Variants in TLL2 observed in about 807,000 individuals in gnomAD.
TLL2 encodes the protein tolloid-like protein 2.
TLL2 carries 106 observed loss-of-function variants against 123.0 expected under a neutral mutation model. The observed-to-expected ratio is 0.86, with a 90% confidence interval of 0.74 to 1.01. The LOEUF (loss-of-function observed/expected upper bound fraction) is 1.01, where lower values mean the gene tolerates loss of function less well. Among genes scored for constraint, TLL2 ranks in the 50% least tolerant of loss-of-function variants. The probability of loss-of-function intolerance (pLI) is 0.00; values close to 1 mark genes in which losing one functional copy is unlikely to be tolerated. For synonymous variants in TLL2, 494 were observed against 516.8 expected (o/e 0.96, Z 0.60); for missense variants, 1,332 against 1,336.7 (o/e 1.00, Z 0.06).
intron 18 of TLL2, chr10:96,375,455 CT>C (rs1360334838): frequency 1.3e-5 from 2 of 152,184 alleles, no homozygotes; most frequent in African/African-American, 4.8e-5. Flanking sequence ...CAGAAGGCGC[CT>C]CCCCCGAGGT....
intron 1 of TLL2, among the ~76,000 whole-genome samples, chr10:96,485,223 G>A (rs1847346047): frequency 6.6e-6 from 1 of 152,090 alleles, no homozygotes; most frequent in African/African-American, 2.4e-5. Flanking sequence ...TCTTGATTTG[G>A]CAATGGCGTA....
intron 13 of TLL2, among the ~76,000 whole-genome samples, chr10:96,391,919 T>C (rs1846293685): frequency 6.6e-6 from 1 of 152,222 alleles, no homozygotes; most frequent in Non-Finnish European, 1.5e-5. Context: ...GAAAAGATGT[T>C]TGCAAATTGA....
At chr10:96,389,120 A>AAGAGT (rs1259914556) in intron 13 of TLL2, among the ~76,000 whole-genome samples, 1 of 152,238 alleles carries the variant, frequency 6.6e-6, no homozygotes, top group Non-Finnish European at 1.5e-5. Context: ...AAGTAGCGGA[A>AAGAGT]AGAGTCCAGG....
intron 3 of TLL2, among the ~76,000 whole-genome samples, chr10:96,438,501 T>C (rs1194474010): frequency 6.6e-6 from 1 of 152,244 alleles, no homozygotes; most frequent in Admixed American, 6.5e-5. Flanking sequence ...TTCTGAAATT[T>C]TGTTGAACTC....
chr10:96,497,367 A>G (rs1323558361), intron 1 of TLL2, among the ~76,000 whole-genome samples: 1 of 152,214 alleles, frequency 6.6e-6, no homozygotes, highest in East Asian at 1.9e-4. Flanking sequence ...AGCTGGGGCA[A>G]GGCCTGAACT....
At chr10:96,481,290 G>C (rs1242039141) in intron 1 of TLL2, among the ~76,000 whole-genome samples, 1 of 152,096 alleles carries the variant, frequency 6.6e-6, no homozygotes, top group Non-Finnish European at 1.5e-5. Flanking sequence ...AGGACTCCAG[G>C]CATGTGACAC....
chr10:96,376,607 C>T, intron 18 of TLL2, 85 bp downstream of exon 18: 2 of 1,466,958 alleles, frequency 1.4e-6, no homozygotes, highest in Non-Finnish European at 9.3e-7. Flanking sequence ...AGTTACAGAG[C>T]TGGGAAGTGG....
At chr10:96,421,768 C>T (rs750804349) in intron 6 of TLL2, among the ~76,000 whole-genome samples, 68 of 151,970 alleles carry the variant, frequency 4.5e-4, no homozygotes, top group Admixed American at 9.2e-4. Flanking sequence ...ACCCAGGAGG[C>T]GGAGGTTGCA....
intron 13 of TLL2, among the ~76,000 whole-genome samples, chr10:96,387,870 C>T (rs1179825049): frequency 2.6e-5 from 4 of 152,138 alleles, no homozygotes; most frequent in South Asian, 4.1e-4. Flanking sequence ...AAAACCAAAA[C>T]ACATGTTAGA....
chr10:96,380,854 G>A (rs570757088), intron 16 of TLL2, among the ~76,000 whole-genome samples: 1 of 151,672 alleles, frequency 6.6e-6, no homozygotes, highest in Admixed American at 6.6e-5. Flanking sequence ...GCAAGCACCT[G>A]TAATCCCAGC....
rs779253312 is a variant in TLL2, at chr10:96,446,112, C to T, written c.343G>A (p.Gly115Ser). 4 of 1,614,154 alleles carry T rather than the reference C, an allele frequency of 2.5e-6. No homozygotes were observed. The highest frequency in any genetic ancestry group is 2.2e-5 in the South Asian group (2 of 91,072). The change falls in exon 3 of 21, where the codon GGC becomes AGC. Residue 115 changes from glycine to serine, a missense_variant. Physicochemically the swap from Gly to Ser is moderately conservative, Grantham distance 56. Coordinates refer to ENST00000357947, the MANE Select transcript of TLL2 (RefSeq NM_012465.4). Reference protein sequence around the residue: ...SSPDTTAMDTGTKEAGKDGRE... With the variant: ...SSPDTTAMDTSTKEAGKDGRE... ...TTACCCTTTCCAGCTTCCTTGGTGC[C>T]AGTGTCCATGGCTGTGGTGTCTGGG...
At chr10:96,476,248 T>TTTTTTTTTTTTTTTTTTGTTGTTG (rs1285354320) in intron 2 of TLL2, among the ~76,000 whole-genome samples, 1 of 69,230 alleles carries the variant, frequency 1.4e-5, no homozygotes, top group African/African-American at 6.2e-5. Context: ...ATATTTTATT[T>TTTTTTTTTTTTTTTTTTGTTGTTG]TTGTTGTTGT....
chr10:96,371,392 A>G (rs369720554), intron 19 of TLL2, among the ~76,000 whole-genome samples: 6 of 152,316 alleles, frequency 3.9e-5, no homozygotes, highest in African/African-American at 1.4e-4. Context: ...AAGCACCAGA[A>G]ATTCTGGAAG....
intron 10 of TLL2, among the ~76,000 whole-genome samples, chr10:96,402,673 C>T (rs181076833): frequency 6.6e-6 from 1 of 152,282 alleles, no homozygotes; most frequent in East Asian, 1.9e-4. Flanking sequence ...CCGTACTTGG[C>T]CTGGGGATCA....
At chr10:96,411,815 A>T (rs1248017018) in intron 8 of TLL2, among the ~76,000 whole-genome samples, 3 of 152,150 alleles carry the variant, frequency 2.0e-5, no homozygotes, top group African/African-American at 4.8e-5. Flanking sequence ...GCAGGAAGGG[A>T]TATGTGGAGA....
rs59097342 is a variant in TLL2, at chr10:96,503,620, T to G, written c.175+9891A>C. Among the ~76,000 whole-genome samples, 44 of 152,272 alleles carry G rather than the reference T, an allele frequency of 2.9e-4. No homozygotes were observed. In the East Asian group the frequency reaches 8.3e-3, roughly 29 times the overall value. ...CTCCCTGTGGAGGTGAGGAGAGTGG[T>G]TGGACCCATCACCCTCAACTGACCT... On this transcript the variant is annotated intron_variant, in intron 1 of 20. Transcript: ENST00000357947.
intron 11 of TLL2, 141 bp from the exon 12 acceptor site, chr10:96,396,161 A>G: frequency 1.0e-6 from 1 of 966,038 alleles, no homozygotes; most frequent in Admixed American, 2.6e-5. Flanking sequence ...CCAGCCCACA[A>G]ACACCGCGCC....
chr10:96,476,240 A>ATATATATATATATATATATAT lies in TLL2; in HGVS notation c.286+4108_286+4109insATATATATATATATATATATA. 2.9e-4 allele frequency among the ~76,000 whole-genome samples: 6 copies of ATATATATATATATATATATAT among 20,492 alleles called. 1 individual carries two copies. Among genetic ancestry groups the ATATATATATATATATATATAT allele is most frequent in the Admixed American group, 5.2e-4 (1 of 1,918 alleles). 13.4% of individuals were successfully genotyped at this position (20,492 alleles called of 152,430 possible). Reference sequence around the variant, plus strand: ...TTTATATGTATATATATATATATATATTTTATTTTTGTTGTTGTTGTTGTT... The same window carrying ATATATATATATATATATATAT: ...TTTATATGTATATATATATATATATATATATATATATATATATATATTTTTATTTTTGTTGTTGTTGTTGTT... On this transcript the variant is annotated intron_variant, in intron 2 of 20. Transcript: ENST00000357947.
In TLL2 at chr10:96,398,871, T is replaced by C. The variant is rs907497858; in HGVS notation, c.1268-1569A>G. On this transcript the variant is annotated intron_variant, in intron 10 of 20. Coordinates refer to ENST00000357947, the MANE Select transcript of TLL2 (RefSeq NM_012465.4). The stretch of plus-strand genomic sequence containing the variant: ...CTTTTGGAGTGATGAAAATATTCTT[T>C]TTTTTTTTTTTTTTTTTTGAGACAG... 2.8e-5 allele frequency among the ~76,000 whole-genome samples: 4 copies of C among 143,162 alleles called. No individual in the cohort carries two copies. In the East Asian group the frequency reaches 8.0e-4, roughly 29 times the overall value. The allele number at this position is 143,162 out of a possible 152,430, so 93.9% of individuals were successfully genotyped here. A position where few individuals can be genotyped will look rare whatever the true frequency, so the allele number is the denominator to read the frequency against.
Sources: gnomAD v4.1 joint callset for allele counts (sites outside exome capture counted in the v4.1 genomes callset) on GRCh38, gnomAD v4.1.1 for gene constraint, MANE v1.5 for transcripts, NCBI Gene and HGNC (gene_info 2026-07-23, HGNC 2026-07-21) for gene names.